ROCK1: variants seen among roughly 807,000 people sequenced by gnomAD.
The protein encoded by ROCK1 is Rho associated coiled-coil containing protein kinase 1.
Under a neutral mutation model 196.8 loss-of-function variants are expected in ROCK1, and 36 were observed. The observed-to-expected ratio is 0.18, with a 90% CI of 0.14 to 0.24. The LOEUF (loss-of-function observed/expected upper bound fraction) is 0.24, where lower values mean the gene tolerates loss of function less well. Ranked by LOEUF, ROCK1 falls within the 10% of genes least tolerant of loss-of-function variation. The pLI, the probability that ROCK1 is intolerant of heterozygous loss-of-function variation, is 1.00. For synonymous variants in ROCK1, 443 were observed against 515.9 expected, an observed-to-expected ratio of 0.86 and a Z score of 1.91; for missense variants, 920 against 1,562.0, an observed-to-expected ratio of 0.59 and a Z score of 6.93.
At chr18:21,030,618 A>G (rs778473046) in intron 9 of ROCK1, among the ~76,000 whole-genome samples, 2 of 152,206 alleles carry the variant, frequency 1.3e-5, no homozygotes, top group Non-Finnish European at 2.9e-5. Flanking sequence ...AGTGGGGAAA[A>G]TATTGGAAGA....
intron 2 of ROCK1, among the ~76,000 whole-genome samples, chr18:21,070,054 G>C (rs567760901): frequency 2.6e-5 from 4 of 151,858 alleles, no homozygotes; most frequent in Non-Finnish European, 4.4e-5. Flanking sequence ...AATATTTATA[G>C]TTCAGAAACA....
intron 29 of ROCK1, among the ~76,000 whole-genome samples, chr18:20,957,861 G>A (rs1417563818): frequency 6.6e-6 from 1 of 151,616 alleles, no homozygotes; most frequent in East Asian, 1.9e-4. Flanking sequence ...ATGTTGCCCA[G>A]GCTGGTCTCA....
At chr18:21,108,037 AGAGT>A (rs1355817972) in intron 1 of ROCK1, among the ~76,000 whole-genome samples, 2 of 152,062 alleles carry the variant, frequency 1.3e-5, no homozygotes, top group East Asian at 1.9e-4. Flanking sequence ...CCTGGGCAAC[AGAGT>A]GAGATTCCAT....
At chr18:21,025,170 T>C (rs1420566128) in intron 10 of ROCK1, among the ~76,000 whole-genome samples, 1 of 152,196 alleles carries the variant, frequency 6.6e-6, no homozygotes, top group Admixed American at 6.5e-5. Context: ...CAAGGTACAT[T>C]TGCATATTAT....
intron 2 of ROCK1, among the ~76,000 whole-genome samples, chr18:21,053,257 A>G (rs1239702636): frequency 6.7e-6 from 1 of 148,720 alleles, no homozygotes; most frequent in Non-Finnish European, 1.5e-5. Flanking sequence ...CCACTCATAC[A>G]CTTACATAAC....
intron 12 of ROCK1, among the ~76,000 whole-genome samples, chr18:21,016,703 A>C (rs2035865737): frequency 6.6e-6 from 1 of 152,146 alleles, no homozygotes; most frequent in South Asian, 2.1e-4. Flanking sequence ...GACAACACCT[A>C]GGAATCATCC....
At chr18:21,007,690 G>A (rs1385313786) in intron 14 of ROCK1, among the ~76,000 whole-genome samples, 1 of 152,128 alleles carries the variant, frequency 6.6e-6, no homozygotes, top group Non-Finnish European at 1.5e-5. Flanking sequence ...GCAGCTGCTT[G>A]TTAGAAGTAC....
Position 20,968,754 on chromosome 18 carries a change from G to A in ROCK1, c.3003+18C>T. The A allele has an allele frequency of 6.9e-7, 1 of 1,450,274 alleles. No homozygotes were observed. The highest frequency in any genetic ancestry group is 9.7e-7 in the Non-Finnish European group (1 of 1,033,948). The allele number at this position is 1,450,274 out of a possible 1,614,324, so 89.8% of individuals were successfully genotyped here. On this transcript the variant is annotated intron_variant, in intron 25 of 32. Coordinates refer to ENST00000399799, the MANE Select transcript of ROCK1 (RefSeq NM_005406.3). ...AACTCAAAAATGAACATGTGGAAAAGATCGAAAGCATGTATACCTGTGTTT... is the reference window on the plus strand; with the variant it reads ...AACTCAAAAATGAACATGTGGAAAAAATCGAAAGCATGTATACCTGTGTTT...
chr18:20,959,964 C>A, intron 28 of ROCK1, 36 bp from the exon 29 acceptor site: 1 of 1,331,400 alleles, frequency 7.5e-7, no homozygotes, highest in Non-Finnish European at 1.1e-6. Flanking sequence ...GTTACAAGAG[C>A]AACATTAACT....
At chr18:20,957,162 G>T (rs927659444) in intron 29 of ROCK1, among the ~76,000 whole-genome samples, 1 of 152,106 alleles carries the variant, frequency 6.6e-6, no homozygotes, top group African/African-American at 2.4e-5. Context: ...CCAATCCTGG[G>T]TATTTACCCA....
intron 1 of ROCK1, among the ~76,000 whole-genome samples, chr18:21,091,539 GT>G (rs56740758): frequency 0.79 from 120,729 of 152,062 alleles, 51,938 homozygotes; most frequent in Non-Finnish European, 0.96. Context: ...GGAGGCAGAG[GT>G]TGCAGTGAGT....
intron 9 of ROCK1, among the ~76,000 whole-genome samples, chr18:21,034,184 T>A (rs138869135): frequency 4.5e-4 from 69 of 152,246 alleles, no homozygotes; most frequent in African/African-American, 1.6e-3. Flanking sequence ...CCTGTGTTCA[T>A]GGACTGGAAA....
chr18:21,089,203 G>A (rs1277431537), intron 1 of ROCK1, among the ~76,000 whole-genome samples: 3 of 151,944 alleles, frequency 2.0e-5, no homozygotes, highest in Non-Finnish European at 2.9e-5. Context: ...GATTACAGGG[G>A]CACGCCACCA....
In ROCK1 at chr18:20,994,979, T is replaced by C. The variant is rs2035658265; in HGVS notation, c.1886-2042A>G. Among the ~76,000 whole-genome samples, 3 of 152,124 alleles carry C rather than the reference T, an allele frequency of 2.0e-5. 1 individual carries two copies. The highest frequency in any genetic ancestry group is 2.0e-4 in the Admixed American group (3 of 15,270). On this transcript the variant is annotated intron_variant, in intron 16 of 32. Transcript: ENST00000399799. ...ATAATCTAGTCAAAGACTTTTTCGA[T>C]AGGCCACACTAAAAACCACACTAAC... is the stretch of plus-strand genomic sequence containing the variant.
intron 22 of ROCK1, among the ~76,000 whole-genome samples, chr18:20,973,727 A>G (rs1290790698): frequency 6.6e-6 from 1 of 152,102 alleles, no homozygotes; most frequent in African/African-American, 2.4e-5. Flanking sequence ...CACCAAGATA[A>G]TGAGTAGCCT....
At chr18:20,972,235 G>A (rs569019591) in intron 22 of ROCK1, among the ~76,000 whole-genome samples, 1 of 152,126 alleles carries the variant, frequency 6.6e-6, no homozygotes, top group South Asian at 2.1e-4. Context: ...AAGAAAAAAA[G>A]AAGAGTCTAG....
In ROCK1 at chr18:21,102,726, C is replaced by T. The variant is rs548188890; in HGVS notation, c.93+8092G>A. Among the ~76,000 whole-genome samples, 6 of 152,144 alleles carry T rather than the reference C, an allele frequency of 3.9e-5. No individual in the cohort carries two copies. In the East Asian group the frequency reaches 9.7e-4, roughly 25 times the overall value. Reference sequence around the variant, plus strand: ...AAAAAAAATACAAAAATTAGCCAGGCATGGTGGCGCTTGCCTGTAGTCCCA... The same window carrying T: ...AAAAAAAATACAAAAATTAGCCAGGTATGGTGGCGCTTGCCTGTAGTCCCA... On this transcript the variant is annotated intron_variant, in intron 1 of 32. Coordinates refer to ENST00000399799, the MANE Select transcript of ROCK1 (RefSeq NM_005406.3).
Position 21,020,259 on chromosome 18 carries a change from CAAAA to C in ROCK1, c.1273-24_1273-21del. 1 of 1,372,792 alleles carries C rather than the reference CAAAA, an allele frequency of 7.3e-7. No individual in the cohort carries two copies. Among genetic ancestry groups the C allele is most frequent in the Non-Finnish European group, 1.0e-6 (1 of 995,174 alleles). The allele number at this position is 1,372,792 out of a possible 1,614,324, so 85.0% of individuals were successfully genotyped here. Reference sequence around the variant, plus strand: ...TTCCTGCTTTAATTTAAAACAAAAACAAAAACTCATTCTACTAAGAATATTTAGA... The same window carrying C: ...TTCCTGCTTTAATTTAAAACAAAAACACTCATTCTACTAAGAATATTTAGA... On this transcript the variant is annotated intron_variant, in intron 11 of 32. Transcript: ENST00000399799.
chr18:21,028,372 T>C (rs1018614454), intron 10 of ROCK1, among the ~76,000 whole-genome samples: 1 of 151,766 alleles, frequency 6.6e-6, no homozygotes, highest in African/African-American at 2.4e-5. Context: ...GCAAAGATTG[T>C]GCCACTGCAC....
Sources: allele counts gnomAD v4.1 joint callset (sites outside exome capture counted in the v4.1 genomes callset), GRCh38; gene constraint gnomAD v4.1.1; transcripts MANE v1.5; gene names NCBI Gene and HGNC (gene_info 2026-07-23, HGNC 2026-07-21).